Variants in RGS12 observed in about 807,000 individuals in gnomAD.
RGS12 encodes the protein regulator of G-protein signaling 12.
In RGS12, 66 loss-of-function variants were observed where a neutral mutation model predicts 120.1. The ratio of observed to expected loss-of-function variants is 0.55; its 90% CI spans 0.45 to 0.67. The LOEUF (loss-of-function observed/expected upper bound fraction) is 0.67, where lower values mean the gene tolerates loss of function less well. Ranked by LOEUF, RGS12 falls within the 30% of genes least tolerant of loss-of-function variation. The pLI is 0.00. For missense variants in RGS12, 1,859 were observed against 1,957.7 expected (o/e 0.95, Z 0.95); for synonymous variants, 827 against 804.7 (o/e 1.03, Z -0.47).
intron 3 of RGS12, among the ~76,000 whole-genome samples, chr4:3,378,000 G>C (rs954763805): frequency 6.6e-6 from 1 of 152,262 alleles, no homozygotes; most frequent in South Asian, 2.1e-4. Flanking sequence ...TCCATGGGTG[G>C]CTTTGTTTTT....
At chr4:3,287,646 C>T in the RGS12 span, among the ~76,000 whole-genome samples, 1 of 152,248 alleles carries the variant, frequency 6.6e-6, no homozygotes, top group Admixed American at 6.5e-5. Flanking sequence ...GACAACGTCC[C>T]TAATTGCCAT....
intron 2 of RGS12, among the ~76,000 whole-genome samples, chr4:3,336,024 G>A (rs528503068): frequency 6.6e-6 from 1 of 152,256 alleles, no homozygotes; most frequent in African/African-American, 2.4e-5. Context: ...TCTGGGAGGT[G>A]GAGGTTGCAG....
chr4:3,328,180 C>A (rs1725689191), intron 2 of RGS12, among the ~76,000 whole-genome samples: 1 of 151,914 alleles, frequency 6.6e-6, no homozygotes, highest in African/African-American at 2.4e-5. Context: ...TAAGCGGGAG[C>A]TAAATGATGT....
chr4:3,425,387 A>C (rs1001221663), intron 13 of RGS12, 77 bp from the exon 14 acceptor site: 13 of 1,272,740 alleles, frequency 1.0e-5, no homozygotes, highest in Non-Finnish European at 1.3e-5. Context: ...ACAGTCATGC[A>C]GTCGGGTGGG....
At chr4:3,431,380 C>G (rs1724285370) in intron 17 of RGS12, 2 of 1,030,234 alleles carry the variant, frequency 1.9e-6, no homozygotes, top group Non-Finnish European at 2.3e-6. Flanking sequence ...GGAAGTGAAG[C>G]CCGCTGTGTT....
chr4:3,356,934 G>A (rs1179087999), intron 3 of RGS12, among the ~76,000 whole-genome samples: 2 of 152,016 alleles, frequency 1.3e-5, no homozygotes, highest in East Asian at 1.9e-4. Context: ...TGTATCATAC[G>A]GTAGTCCTAT....
At chr4:3,384,941 G>A (rs1027856418) in intron 3 of RGS12, among the ~76,000 whole-genome samples, 4 of 152,196 alleles carry the variant, frequency 2.6e-5, no homozygotes, top group Non-Finnish European at 4.4e-5. Context: ...GCCCTGTGCC[G>A]AGGTTGGGGT....
intron 4 of RGS12, among the ~76,000 whole-genome samples, chr4:3,387,395 A>G (rs895486137): frequency 2.6e-5 from 4 of 152,204 alleles, no homozygotes; most frequent in Non-Finnish European, 4.4e-5. Flanking sequence ...GACAGAGCTC[A>G]GAGCCCTCGC....
chr4:3,302,585 T>A (rs1723745161), intron 1 of RGS12, among the ~76,000 whole-genome samples: 1 of 152,202 alleles, frequency 6.6e-6, no homozygotes, highest in Admixed American at 6.5e-5. Context: ...AAGTGGTTCC[T>A]CCTGCCCCTT....
Position 3,317,149 on chromosome 4 carries a change from C to T in RGS12, c.979C>T (p.Gln327Ter). 2 of 1,613,432 alleles carry T rather than the reference C, an allele frequency of 1.2e-6. No homozygotes were observed. The highest frequency in any genetic ancestry group is 1.7e-6 in the Non-Finnish European group (2 of 1,179,618). Residue 327 changes from glutamine (Q) to a stop codon, truncating the protein, a stop_gained, in exon 2 of 18, where the codon CAG becomes TAG. Transcript: ENST00000336727. LOFTEE classifies it high-confidence loss of function. Reference sequence around the variant, plus strand: ...GACGAATGACGACGGGAGCCTGGCCCAGGAGGAGGAGGGCGCCCTGCGGAC... The same window carrying T: ...GACGAATGACGACGGGAGCCTGGCCTAGGAGGAGGAGGGCGCCCTGCGGAC... ...MQTNDDGSLA[Q>*]EEEGALRTSC...
At chr4:3,420,841 G>A (rs1223635489) in intron 10 of RGS12, 123 bp downstream of exon 10, 7 of 907,372 alleles carry the variant, frequency 7.7e-6, no homozygotes, top group Non-Finnish European at 1.2e-5. Flanking sequence ...TAAAGCTGGG[G>A]GACAAGGCTC....
chr4:3,313,805 A>C (rs995604900), intron 1 of RGS12, among the ~76,000 whole-genome samples: 1 of 151,938 alleles, frequency 6.6e-6, no homozygotes, highest in African/African-American at 2.4e-5. Flanking sequence ...ACACAGGCGC[A>C]CCCCACACTC....
At chr4:3,336,789 A>G (rs1712525561) in intron 2 of RGS12, among the ~76,000 whole-genome samples, 1 of 152,234 alleles carries the variant, frequency 6.6e-6, no homozygotes, top group Non-Finnish European at 1.5e-5. Flanking sequence ...AACCCACAGA[A>G]TGGGAGAAAA....
At chr4:3,404,291 C>T (rs912726974) in intron 4 of RGS12, among the ~76,000 whole-genome samples, 1 of 152,220 alleles carries the variant, frequency 6.6e-6, no homozygotes, top group Non-Finnish European at 1.5e-5. Flanking sequence ...TCCTGAGGCA[C>T]AAGTCTCCAC....
intron 2 of RGS12, among the ~76,000 whole-genome samples, chr4:3,327,806 C>T (rs188944802): frequency 6.0e-4 from 91 of 152,292 alleles, no homozygotes; most frequent in African/African-American, 1.9e-3. Flanking sequence ...ATTAGTACAA[C>T]CTCCATGGAA....
At chr4:3,427,277 G>A (rs1373327019) in intron 14 of RGS12, among the ~76,000 whole-genome samples, 3 of 152,242 alleles carry the variant, frequency 2.0e-5, no homozygotes, top group Admixed American at 6.5e-5. Flanking sequence ...TTTGTGTACA[G>A]GCAAGTCCTG....
Position 3,423,998 on chromosome 4 carries a change from G to T in RGS12, c.3234+357G>T, listed in dbSNP as rs112574020. Reference sequence around the variant, plus strand: ...GGATGGCCCTGCCCCCACTGCACCTGCTGGGCCCGGGCATTGTGCTCATGC... The same window carrying T: ...GGATGGCCCTGCCCCCACTGCACCTTCTGGGCCCGGGCATTGTGCTCATGC... On this transcript the variant is annotated intron_variant, in intron 13 of 17. Coordinates refer to ENST00000336727, the MANE Select transcript of RGS12 (RefSeq NM_001394154.1). The T allele has an allele frequency of 9.5e-5, 18 of 188,876 alleles. 1 individual carries two copies. The highest frequency in any genetic ancestry group is 3.9e-4 in the African/African-American group (17 of 43,540). 11.7% of individuals were successfully genotyped at this position (188,876 alleles called of 1,614,324 possible).
intron 4 of RGS12, among the ~76,000 whole-genome samples, chr4:3,388,753 G>A (rs572562634): frequency 6.6e-5 from 10 of 152,378 alleles, no homozygotes; most frequent in Non-Finnish European, 1.3e-4. Context: ...GAGCCTGGGC[G>A]GGGTCGGGGT....
chr4:3,343,084 C>T (rs1284445688), intron 3 of RGS12, 31 bp downstream of exon 3: 2 of 1,530,774 alleles, frequency 1.3e-6, no homozygotes, highest in East Asian at 2.3e-5. Flanking sequence ...CTTCTTTTCT[C>T]CTTCAAGTTT....
Sources: gnomAD v4.1 joint callset for allele counts (sites outside exome capture counted in the v4.1 genomes callset) on GRCh38, gnomAD v4.1.1 for gene constraint, MANE v1.5 for transcripts, NCBI Gene and HGNC (gene_info 2026-07-23, HGNC 2026-07-21) for gene names.